CD36: variants seen among roughly 807,000 people sequenced by gnomAD.
The protein encoded by CD36 is platelet glycoprotein 4.
In CD36, 119 loss-of-function variants were observed where a neutral mutation model predicts 55.2. That is an observed-to-expected ratio of 2.15 (90% CI 1.86 to 2.51). The LOEUF (loss-of-function observed/expected upper bound fraction) is 2.51, where lower values mean the gene tolerates loss of function less well. Ranked by LOEUF, CD36 falls within the 30% of genes most tolerant of loss-of-function variation. CD36 has a pLI of 0.00. For missense variants in CD36, 819 were observed against 555.5 expected, an observed-to-expected ratio of 1.47 and a Z score of -4.77; for synonymous variants, 186 against 193.6, an observed-to-expected ratio of 0.96 and a Z score of 0.33.
In CD36 at chr7:80,671,065, CCA is replaced by C; in HGVS notation, c.908_909del (p.Pro303ArgfsTer2). The C allele has an allele frequency of 6.2e-7, 1 of 1,612,128 alleles. No individual in the cohort carries two copies. Among genetic ancestry groups the C allele is most frequent in the Non-Finnish European group, 8.5e-7 (1 of 1,178,340 alleles). On this transcript the variant is annotated frameshift_variant, in exon 10 of 15. Transcript: ENST00000447544. LOFTEE classifies it high-confidence loss of function. ...TCTTCCATCCAAGGCCTTTGCCTCT[CCA>C]GTTGAAAACCCAGACAACTATTGTT... ...FVLPSKAFAS[P>X]VENPDNYCFC...
At chr7:80,626,431 T>C (rs888648281) in intron 1 of CD36, among the ~76,000 whole-genome samples, 1 of 152,102 alleles carries the variant, frequency 6.6e-6, no homozygotes, top group African/African-American at 2.4e-5. Context: ...GCCATTGCCT[T>C]AGCTTAAATC....
At chr7:80,622,533 T>C (rs181788437) in intron 1 of CD36, among the ~76,000 whole-genome samples, 8 of 152,290 alleles carry the variant, frequency 5.3e-5, no homozygotes, top group African/African-American at 1.9e-4. Context: ...AACAAAGCAA[T>C]ATTCTAGTTA....
chr7:80,672,946 G>A (rs1797857657), intron 12 of CD36, 103 bp downstream of exon 12: 4 of 765,268 alleles, frequency 5.2e-6, no homozygotes, highest in Non-Finnish European at 9.3e-6. Flanking sequence ...AATAACATCT[G>A]ATATCAACTT....
chr7:80,620,868 T>A (rs1793431037), intron 1 of CD36, among the ~76,000 whole-genome samples: 1 of 152,190 alleles, frequency 6.6e-6, no homozygotes, highest in Admixed American at 6.5e-5. Context: ...CAACAAAGAA[T>A]TTATAATATT....
At chr7:80,673,275 T>C in intron 12 of CD36, 80 bp from the exon 13 acceptor site, 1 of 687,176 alleles carries the variant, frequency 1.5e-6, no homozygotes, top group Non-Finnish European at 2.5e-6. Flanking sequence ...CAGCAACTAA[T>C]TTATGAACAT....
intron 1 of CD36, among the ~76,000 whole-genome samples, chr7:80,616,979 T>G (rs1793200569): frequency 6.6e-6 from 1 of 152,176 alleles, no homozygotes; most frequent in African/African-American, 2.4e-5. Flanking sequence ...TTGCTATACA[T>G]CTCATTATCA....
At chr7:80,636,621 C>G (rs938207541), upstream of CD36, among the ~76,000 whole-genome samples, 1 of 151,624 alleles carries the variant, frequency 6.6e-6, no homozygotes, top group African/African-American at 2.4e-5. Flanking sequence ...ATAAATTAAT[C>G]CAGTGTTATA....
intron 7 of CD36, among the ~76,000 whole-genome samples, chr7:80,665,195 T>G (rs1220059708): frequency 1.3e-5 from 2 of 148,378 alleles, no homozygotes. Flanking sequence ...TAAGCCATTA[T>G]TTCCTTTTTT....
upstream of CD36, among the ~76,000 whole-genome samples, chr7:80,637,887 T>G (rs1207331259): frequency 1.4e-5 from 2 of 143,016 alleles, no homozygotes; most frequent in East Asian, 2.2e-4. Flanking sequence ...CCTTCTATTT[T>G]GATTCAATAT....
At chr7:80,632,656 C>A (rs1794151532) in intron 1 of CD36, among the ~76,000 whole-genome samples, 3 of 151,984 alleles carry the variant, frequency 2.0e-5, no homozygotes, top group African/African-American at 7.2e-5. Context: ...AGATATTCAT[C>A]ATGCTGATCA....
intron 7 of CD36, chr7:80,666,059 C>T (rs1797061147): frequency 4.9e-6 from 1 of 204,170 alleles, no homozygotes; most frequent in African/African-American, 2.4e-5. Flanking sequence ...ATCAGTTACC[C>T]ACTTAACACT....
chr7:80,672,820 G>C lies in CD36; in HGVS notation c.1176G>C (p.Leu392Phe). 4 of 1,610,486 alleles carry C rather than the reference G, an allele frequency of 2.5e-6. No individual in the cohort carries two copies. Among genetic ancestry groups the C allele is most frequent in the African/African-American group, 2.7e-5 (2 of 74,892 alleles). The change falls in exon 12 of 15, where the codon TTG (leucine) becomes TTC (phenylalanine). Residue 392 changes from leucine (L) to phenylalanine (F), a missense_variant. Coordinates refer to ENST00000447544, the MANE Select transcript of CD36 (RefSeq NM_001001548.3). ...QFAKRLQVNL[L>F]VKPSEKIQVL... ...CAAAACGGCTGCAGGTCAACCTATT[G>C]GTCAAGCCATCAGAAAAAATTCAGT...
rs753070806 is a variant in CD36 at position 80,672,817 on chromosome 7, A to G, written c.1173A>G (p.Leu391=). ...TTGCAAAACGGCTGCAGGTCAACCT[A>G]TTGGTCAAGCCATCAGAAAAAATTC... The part of the protein sequence containing the change: ...LQFAKRLQVN[L]LVKPSEKIQV... The change falls in exon 12 of 15, where the codon CTA becomes CTG. Residue 391 remains leucine, a synonymous_variant. Transcript: ENST00000447544. 5.6e-6 allele frequency: 9 copies of G among 1,610,826 alleles called. No individual in the cohort carries two copies. Among genetic ancestry groups the G allele is most frequent in the African/African-American group, 2.7e-5 (2 of 74,808 alleles).
intron 1 of CD36, among the ~76,000 whole-genome samples, chr7:80,645,018 C>G (rs1795052469): frequency 1.2e-5 from 1 of 80,202 alleles, no homozygotes; most frequent in African/African-American, 4.3e-5. Flanking sequence ...TTCTTTCTTC[C>G]AATCTTTTTT....
At position 80,672,852 on chromosome 7, in the gene CD36, CTTGAAAATGGTTATTTTGAT is replaced by C; in HGVS notation, c.1199+10_1199+29del. On this transcript the variant is annotated intron_variant, in intron 12 of 14. Transcript: ENST00000447544. ...CCATCAGAAAAAATTCAGTGAGTCTCTTGAAAATGGTTATTTTGATATGATCTGTAGTATCGTAGTATCTT... is the reference window on the plus strand; with the variant it reads ...CCATCAGAAAAAATTCAGTGAGTCTCATGATCTGTAGTATCGTAGTATCTT... The C allele has an allele frequency of 6.3e-7, 1 of 1,590,800 alleles. No individual in the cohort carries two copies. Among genetic ancestry groups the C allele is most frequent in the Non-Finnish European group, 8.6e-7 (1 of 1,160,458 alleles).
chr7:80,642,661 A>G (rs1376186659), intron 1 of CD36, among the ~76,000 whole-genome samples: 2 of 152,146 alleles, frequency 1.3e-5, no homozygotes, highest in Non-Finnish European at 2.9e-5. Context: ...TAATAAATGA[A>G]CCCAACTAGT....
rs893166866 is a variant in CD36, at chr7:80,677,066, C to G, written c.*683C>G. The G allele has an allele frequency of 1.3e-5, 2 of 152,120 alleles. No homozygotes were observed. The highest frequency in any genetic ancestry group is 4.8e-5 in the African/African-American group (2 of 41,412). 9.4% of individuals were successfully genotyped at this position (152,120 alleles called of 1,614,324 possible). ...CATAAAATGTTTATCCTAATTTTCTCTCTGAAGTATATTTTATCTGAATCC... is the reference window on the plus strand; with the variant it reads ...CATAAAATGTTTATCCTAATTTTCTGTCTGAAGTATATTTTATCTGAATCC... On this transcript the variant is annotated 3_prime_UTR_variant, in exon 15 of 15. Transcript: ENST00000447544.
At chr7:80,631,306 G>A (rs1794061385) in intron 1 of CD36, among the ~76,000 whole-genome samples, 1 of 151,988 alleles carries the variant, frequency 6.6e-6, no homozygotes, top group African/African-American at 2.4e-5. Flanking sequence ...TAAAGGCAGG[G>A]CTCATGATAA....
At chr7:80,637,036 G>A (rs1417114145), upstream of CD36, 1 of 151,956 alleles carries the variant, frequency 6.6e-6, no homozygotes, top group South Asian at 2.1e-4. Context: ...CATCTATTTT[G>A]CATGTATTTT....
Sources: allele counts gnomAD v4.1 joint callset (sites outside exome capture counted in the v4.1 genomes callset), GRCh38; gene constraint gnomAD v4.1.1; transcripts MANE v1.5; gene names NCBI Gene and HGNC (gene_info 2026-07-23, HGNC 2026-07-21).